Variants in PRELID2 observed in about 807,000 individuals in gnomAD.
The protein encoded by PRELID2 is PRELI domain-containing protein 2.
In PRELID2, 25 loss-of-function variants were observed where a neutral mutation model predicts 28.4. That is an observed-to-expected ratio of 0.88 (90% CI 0.64 to 1.23). PRELID2 has a LOEUF of 1.23. Among genes scored for constraint, PRELID2 ranks in the 50% most tolerant of loss-of-function variants. The probability of loss-of-function intolerance (pLI) is 0.00; values close to 1 mark genes in which losing one functional copy is unlikely to be tolerated. For synonymous variants in PRELID2, 76 were observed against 71.6 expected (o/e 1.06, Z -0.31); for missense variants, 201 against 214.4 (o/e 0.94, Z 0.39).
intron 5 of PRELID2, chr5:145,795,248 A>G (rs1286980827): frequency 1.3e-5 from 2 of 152,174 alleles, no homozygotes; most frequent in South Asian, 2.1e-4. Context: ...AAATTGCAAT[A>G]TAGCAGAAAA....
chr5:145,323,787 C>T, the PRELID2 span, among the ~76,000 whole-genome samples: 1 of 152,152 alleles, frequency 6.6e-6, no homozygotes, highest in Non-Finnish European at 1.5e-5. Context: ...CTGCAAGGAA[C>T]ATAATCTTAT....
intron 1 of PRELID2, among the ~76,000 whole-genome samples, chr5:145,724,985 C>T (rs981290371): frequency 1.1e-4 from 17 of 151,738 alleles, no homozygotes; most frequent in African/African-American, 3.9e-4. Context: ...CAAAATGATC[C>T]TCCCACATCA....
At chr5:145,372,603 C>T in the PRELID2 span, among the ~76,000 whole-genome samples, 1 of 151,614 alleles carries the variant, frequency 6.6e-6, no homozygotes, top group Non-Finnish European at 1.5e-5. Flanking sequence ...TTGTGTAATG[C>T]CCTTCTTTGT....
intron 1 of PRELID2, among the ~76,000 whole-genome samples, chr5:145,507,259 G>A (rs180772704): frequency 3.9e-5 from 6 of 152,170 alleles, no homozygotes; most frequent in Non-Finnish European, 7.4e-5. Context: ...TATGTACTAT[G>A]TCATATAGTC....
chr5:145,389,764 A>G, the PRELID2 span, among the ~76,000 whole-genome samples: 37 of 152,198 alleles, frequency 2.4e-4, 1 homozygote, highest in African/African-American at 8.4e-4. Flanking sequence ...TCTGAAATTT[A>G]AATTCTCAGT....
intron 1 of PRELID2, among the ~76,000 whole-genome samples, chr5:145,656,408 T>A (rs59699846): frequency 0.24 from 35,783 of 151,968 alleles, 8,239 homozygotes; most frequent in African/African-American, 0.6. Flanking sequence ...CTGGGTATAT[T>A]CCCAAAGGAT....
the PRELID2 span, among the ~76,000 whole-genome samples, chr5:145,462,309 A>C: frequency 6.6e-6 from 1 of 152,212 alleles, no homozygotes; most frequent in Admixed American, 6.5e-5. Flanking sequence ...AAACTTCCCA[A>C]ATACAAAATT....
the PRELID2 span, among the ~76,000 whole-genome samples, chr5:145,387,954 A>G: frequency 6.7e-6 from 1 of 150,272 alleles, no homozygotes; most frequent in Non-Finnish European, 1.5e-5. Flanking sequence ...AAAAAAAAAG[A>G]CACTAAAATT....
chr5:145,789,524 G>T (rs2149807044), intron 5 of PRELID2, among the ~76,000 whole-genome samples: 1 of 152,082 alleles, frequency 6.6e-6, no homozygotes, highest in African/African-American at 2.4e-5. Context: ...TTAAACATAA[G>T]AACTGAAGCT....
the PRELID2 span, among the ~76,000 whole-genome samples, chr5:145,284,188 T>C: frequency 6.6e-6 from 1 of 152,218 alleles, no homozygotes; most frequent in South Asian, 2.1e-4. Context: ...GTCTGACACA[T>C]AGTATGTATT....
rs115043053 is a variant in PRELID2, at chr5:145,649,052, T to G, written n.70+115879A>C. Among the ~76,000 whole-genome samples the G allele has an allele frequency of 7.2e-3, 1,096 of 152,092 alleles. 5 individuals are homozygous for G. Among genetic ancestry groups the G allele is most frequent in the Middle Eastern group, 0.061 (18 of 294 alleles). On this transcript the variant is annotated intron_variant and non_coding_transcript_variant, in intron 1 of 2. Transcript: ENST00000510259. ...CCAAATCCATAGGTTTCCATATTTT[T>G]GCATTCAATCAATCACAGATCAAAA...
chr5:145,719,969 T>G (rs1171314852), intron 1 of PRELID2, among the ~76,000 whole-genome samples: 1 of 149,536 alleles, frequency 6.7e-6, no homozygotes, highest in Non-Finnish European at 1.5e-5. Flanking sequence ...CTCAGAAAAA[T>G]GAAAAATTAA....
chr5:145,790,533 G>C (rs949326335), intron 5 of PRELID2, among the ~76,000 whole-genome samples: 2 of 151,940 alleles, frequency 1.3e-5, no homozygotes, highest in African/African-American at 4.8e-5. Context: ...CGGTTAGACA[G>C]GAGGAATAAG....
the PRELID2 span, among the ~76,000 whole-genome samples, chr5:145,252,892 C>G: frequency 1.3e-5 from 2 of 151,906 alleles, no homozygotes; most frequent in African/African-American, 4.8e-5. Flanking sequence ...ATACATGCAT[C>G]AAAAAGAATG....
chr5:145,416,587 T>A, the PRELID2 span, among the ~76,000 whole-genome samples: 1 of 152,144 alleles, frequency 6.6e-6, no homozygotes, highest in Non-Finnish European at 1.5e-5. Context: ...ATCAGGAAGT[T>A]CTTTGAAACT....
At chr5:145,730,310 T>C (rs1010252945) in intron 1 of PRELID2, among the ~76,000 whole-genome samples, 1 of 152,130 alleles carries the variant, frequency 6.6e-6, no homozygotes, top group Non-Finnish European at 1.5e-5. Flanking sequence ...CTCATAGCCA[T>C]GCCCAATTTC....
intron 1 of PRELID2, among the ~76,000 whole-genome samples, chr5:145,660,701 C>T (rs1475154524): frequency 3.3e-5 from 5 of 152,096 alleles, no homozygotes; most frequent in Admixed American, 2.6e-4. Flanking sequence ...TGGGCAACAG[C>T]CTACATTTCC....
chr5:145,705,654 T>C (rs1052683594), intron 1 of PRELID2, among the ~76,000 whole-genome samples: 1 of 152,188 alleles, frequency 6.6e-6, no homozygotes, highest in African/African-American at 2.4e-5. Context: ...AAGAATCAGA[T>C]AGTAAATATT....
intron 1 of PRELID2, among the ~76,000 whole-genome samples, chr5:145,658,139 A>G (rs1561534715): frequency 6.6e-6 from 1 of 152,210 alleles, no homozygotes; most frequent in Non-Finnish European, 1.5e-5. Context: ...AAGATAAGCC[A>G]ATGGCCATGC....
Sources: allele counts gnomAD v4.1 joint callset (sites outside exome capture counted in the v4.1 genomes callset), GRCh38; gene constraint gnomAD v4.1.1; transcripts MANE v1.5; gene names NCBI Gene and HGNC (gene_info 2026-07-23, HGNC 2026-07-21).